PVT1: variants seen among roughly 807,000 people sequenced by gnomAD.
PVT1 encodes the protein Pvt1 oncogene, also known as CXCR4/PVT1 fusion.
rs1305783898 is a variant in PVT1 at position 128,094,494 on chromosome 8, C to T, written n.1115-2024C>T. ...GTGCAGAGCTTTCACTCAATGATGGCACAGTTGAGTAGTTTCAACAGAGAT... is the reference window on the plus strand; with the variant it reads ...GTGCAGAGCTTTCACTCAATGATGGTACAGTTGAGTAGTTTCAACAGAGAT... On this transcript the variant is annotated intron_variant and non_coding_transcript_variant, in intron 5 of 10. Transcript: ENST00000651587. Among the ~76,000 whole-genome samples, 5 of 152,278 alleles carry T rather than the reference C, an allele frequency of 3.3e-5. No individual in the cohort carries two copies. The East Asian group carries it at 5.8e-4, about 18-fold the overall frequency.
chr8:128,091,844 T>C (rs564931933), intron 5 of PVT1, among the ~76,000 whole-genome samples: 3 of 152,328 alleles, frequency 2.0e-5, no homozygotes, highest in African/African-American at 7.2e-5. Context: ...CTGGCATCAT[T>C]AGCAGTCATA....
chr8:127,906,348 A>G (rs148763511), intron 3 of PVT1, among the ~76,000 whole-genome samples: 1 of 152,282 alleles, frequency 6.6e-6, no homozygotes, highest in African/African-American at 2.4e-5. Context: ...TTTGCTCTCT[A>G]GTTAGCACCA....
intron 3 of PVT1, among the ~76,000 whole-genome samples, chr8:127,979,172 C>T (rs1001350475): frequency 2.0e-5 from 3 of 152,252 alleles, no homozygotes; most frequent in Admixed American, 6.5e-5. Context: ...AATCACCCAA[C>T]AGAAGTTTTA....
At chr8:127,943,857 C>T (rs1816384636) in intron 3 of PVT1, among the ~76,000 whole-genome samples, 1 of 152,150 alleles carries the variant, frequency 6.6e-6, no homozygotes, top group Admixed American at 6.5e-5. Flanking sequence ...AAGTGAATTT[C>T]ATCCCCAATG....
chr8:127,960,757 A>T (rs2129944746), intron 3 of PVT1: 1 of 468,344 alleles, frequency 2.1e-6, no homozygotes, highest in Non-Finnish European at 4.3e-6. Flanking sequence ...TTGTGGGGAG[A>T]GAGTATTATT....
chr8:127,953,695 T>C (rs766010607), intron 3 of PVT1, among the ~76,000 whole-genome samples: 1 of 152,160 alleles, frequency 6.6e-6, no homozygotes, highest in Non-Finnish European at 1.5e-5. Flanking sequence ...GAAACCCAGA[T>C]CTCCTGAGAT....
chr8:127,936,694 C>G (rs935522853), intron 3 of PVT1, among the ~76,000 whole-genome samples: 1 of 152,194 alleles, frequency 6.6e-6, no homozygotes, highest in Non-Finnish European at 1.5e-5. Context: ...CAGGGCTGAG[C>G]TGCTTCCTCT....
chr8:127,831,043 CGTGTGT>C (rs59440311), intron 2 of PVT1, among the ~76,000 whole-genome samples: 2 of 101,184 alleles, frequency 2.0e-5, no homozygotes, highest in Non-Finnish European at 4.5e-5. Context: ...TATATACATA[CGTGTGT>C]GTGTGTGTGT....
chr8:127,845,918 A>G (rs1815028962), intron 2 of PVT1, among the ~76,000 whole-genome samples: 1 of 152,186 alleles, frequency 6.6e-6, no homozygotes, highest in African/African-American at 2.4e-5. Flanking sequence ...GGTCACTCCT[A>G]TTTGTCTTAG....
At chr8:127,877,633 A>C (rs996895607) in intron 2 of PVT1, among the ~76,000 whole-genome samples, 4 of 152,308 alleles carry the variant, frequency 2.6e-5, no homozygotes. Flanking sequence ...ACTATTTCTC[A>C]TAGTCCTGTT....
chr8:127,860,782 A>G (rs1025081421), intron 2 of PVT1, among the ~76,000 whole-genome samples: 5 of 132,632 alleles, frequency 3.8e-5, no homozygotes, highest in African/African-American at 1.2e-4. Context: ...AAAAAAAAAA[A>G]AAGGAGAAGA....
chr8:127,819,270 C>T (rs1814701911), intron 2 of PVT1, among the ~76,000 whole-genome samples: 1 of 152,198 alleles, frequency 6.6e-6, no homozygotes, highest in South Asian at 2.1e-4. Flanking sequence ...AGCCCCATGT[C>T]TGCAAAATGA....
intron 2 of PVT1, among the ~76,000 whole-genome samples, chr8:127,833,994 G>A (rs1814881644): frequency 6.6e-6 from 1 of 152,082 alleles, no homozygotes; most frequent in Non-Finnish European, 1.5e-5. Flanking sequence ...TGAAGTTGAC[G>A]ACCTTGTATC....
At chr8:127,897,945 GGGAAGGAAGGAAGGAAAGAA>G (rs1337705474) in intron 3 of PVT1, among the ~76,000 whole-genome samples, 1 of 130,556 alleles carries the variant, frequency 7.7e-6, no homozygotes, top group African/African-American at 2.9e-5. Flanking sequence ...AGAAAGAAAA[GGGAAGGAAGGAAGGAAAGAA>G]GGAAGGAAGG....
chr8:127,959,406 GA>G (rs1438936520), intron 3 of PVT1, among the ~76,000 whole-genome samples: 7 of 152,114 alleles, frequency 4.6e-5, no homozygotes, highest in African/African-American at 7.2e-5. Context: ...CCAACATGGT[GA>G]AAACCCATCT....
intron 2 of PVT1, among the ~76,000 whole-genome samples, chr8:127,820,319 C>T (rs1814714702): frequency 6.6e-6 from 1 of 152,140 alleles, no homozygotes; most frequent in Non-Finnish European, 1.5e-5. Context: ...ACACCCTTCT[C>T]CCCAAATTGA....
At chr8:127,967,946 A>G (rs931602060) in intron 3 of PVT1, among the ~76,000 whole-genome samples, 2 of 152,170 alleles carry the variant, frequency 1.3e-5, no homozygotes, top group African/African-American at 4.8e-5. Context: ...CTGCCTTGAG[A>G]GGGCGCTTTG....
intron 3 of PVT1, among the ~76,000 whole-genome samples, chr8:127,928,499 AG>A (rs1354220647): frequency 5.3e-5 from 8 of 152,228 alleles, no homozygotes; most frequent in Admixed American, 1.3e-4. Flanking sequence ...GCTTAAGCCC[AG>A]GCAGCTGAGT....
At chr8:128,087,211 G>A (rs1276194148) in intron 5 of PVT1, among the ~76,000 whole-genome samples, 1 of 152,156 alleles carries the variant, frequency 6.6e-6, no homozygotes, top group Non-Finnish European at 1.5e-5. Flanking sequence ...GCTCAGATGT[G>A]ACAAAACTGG....
Sources: gnomAD v4.1 joint callset for allele counts (sites outside exome capture counted in the v4.1 genomes callset) on GRCh38, gnomAD v4.1.1 for gene constraint, MANE v1.5 for transcripts, NCBI Gene and HGNC (gene_info 2026-07-23, HGNC 2026-07-21) for gene names.